ADGRG5: variants seen among roughly 807,000 people sequenced by gnomAD.
ADGRG5 encodes G protein-coupled receptor 114.
A neutral mutation model predicts 53.2 loss-of-function variants in ADGRG5; 37 were observed. That is an observed-to-expected ratio of 0.70 (90% CI 0.53 to 0.91). The LOEUF is 0.91. Ranked by LOEUF, ADGRG5 falls within the 40% of genes least tolerant of loss-of-function variation. The pLI is 0.00. For synonymous variants in ADGRG5, 277 were observed against 290.4 expected (o/e 0.95, Z 0.47); for missense variants, 614 against 675.8 (o/e 0.91, Z 1.01).
rs113891956 is a variant in ADGRG5 at position 57,556,095 on chromosome 16, A to T, written c.-38-5961A>T. 1.7e-3 allele frequency among the ~76,000 whole-genome samples: 263 copies of T among 152,220 alleles called. 2 individuals are homozygous for T. Among genetic ancestry groups the T allele is most frequent in the African/African-American group, 5.7e-3 (237 of 41,536 alleles). The stretch of plus-strand genomic sequence containing the variant: ...CTCAAACCTCTTTTCTTTATAAATT[A>T]CTCAGTCTTTGATGGCTCTTTATAG... On this transcript the variant is annotated intron_variant, in intron 1 of 11. Transcript: ENST00000349457.
the ADGRG5 span, among the ~76,000 whole-genome samples, chr16:57,530,989 C>T: frequency 5.3e-5 from 8 of 152,102 alleles, no homozygotes; most frequent in Non-Finnish European, 8.8e-5. Context: ...TTCCCCTCCT[C>T]TCCAGCTGCT....
chr16:57,557,661 A>G (rs1246599422), intron 1 of ADGRG5, among the ~76,000 whole-genome samples: 1 of 151,290 alleles, frequency 6.6e-6, no homozygotes, highest in Non-Finnish European at 1.5e-5. Flanking sequence ...TTTTATTTTC[A>G]CTCTTCTTAC....
intron 6 of ADGRG5, 139 bp downstream of exon 6, chr16:57,565,289 TAAGAG>T: frequency 3.0e-6 from 2 of 659,056 alleles, no homozygotes; most frequent in Non-Finnish European, 5.5e-6. Context: ...GCTCAAGAAA[TAAGAG>T]AGAGAGAAGT....
At chr16:57,563,336 A>G in intron 4 of ADGRG5, 89 bp downstream of exon 4, 1 of 1,165,848 alleles carries the variant, frequency 8.6e-7, no homozygotes, top group Non-Finnish European at 1.3e-6. Context: ...TTTAGGCTCC[A>G]CTGTCTTCCT....
chr16:57,568,064 G>C lies in ADGRG5; in HGVS notation c.1030G>C (p.Gly344Arg). The change falls in exon 9 of 12, where the codon GGG (glycine) becomes CGG (arginine). Residue 344 changes from glycine to arginine, a missense_variant. Transcript: ENST00000349457. ...GGGCTTCAACCTCTACCTCCTCCTCGGGCGTGTCTACAACATCTACATCCG... is the reference window on the plus strand; with the variant it reads ...GGGCTTCAACCTCTACCTCCTCCTCCGGCGTGTCTACAACATCTACATCCG... ...IEGFNLYLLL[G>R]RVYNIYIRRY... 1.2e-6 allele frequency: 2 copies of C among 1,613,884 alleles called. No individual in the cohort carries two copies. Among genetic ancestry groups the C allele is most frequent in the Non-Finnish European group, 1.7e-6 (2 of 1,179,922 alleles).
intron 1 of ADGRG5, among the ~76,000 whole-genome samples, chr16:57,546,087 A>G (rs1357519047): frequency 1.3e-5 from 2 of 152,052 alleles, no homozygotes; most frequent in African/African-American, 4.8e-5. Context: ...CGGCCTCCCA[A>G]AGTGCTGGGA....
chr16:57,566,678 G>C lies in ADGRG5; in HGVS notation c.626G>C (p.Cys209Ser). ...QPWGGWSPEGCRTEQPSHSQV... is the reference protein window; with the variant it reads ...QPWGGWSPEGSRTEQPSHSQV... ...TGGGGGGGCTGGAGCCCTGAGGGCT[G>C]TCGTACAGAGCAGCCCTCCCACTCT... Residue 209 changes from cysteine to serine, a missense_variant, in exon 7 of 12, where the codon TGT (cysteine) becomes TCT (serine). Cys to Ser is a moderately radical substitution (Grantham distance 112). Transcript: ENST00000349457. 6.3e-7 allele frequency: 1 copy of C among 1,593,636 alleles called. No individual in the cohort carries two copies. The highest frequency in any genetic ancestry group is 8.5e-7 in the Non-Finnish European group (1 of 1,171,006).
Position 57,562,117 on chromosome 16 carries a change from C to T in ADGRG5, c.24C>T (p.Phe8=), listed in dbSNP as rs1218923218. The T allele has an allele frequency of 1.3e-6, 2 of 1,599,986 alleles. No homozygotes were observed. The highest frequency in any genetic ancestry group is 1.7e-6 in the Non-Finnish European group (2 of 1,170,366). Residue 8 remains phenylalanine (F), a synonymous_variant, in exon 2 of 12, where the codon TTC becomes TTT. Transcript: ENST00000349457. MDHCGAL[F]LCLCLLTLQN... is the part of the protein sequence containing the mutation. Reference sequence around the variant, plus strand: ...GCATGGATCACTGTGGTGCCCTTTTCCTGTGCCTGTGCCTTCTGACTTTGC... The same window carrying T: ...GCATGGATCACTGTGGTGCCCTTTTTCTGTGCCTGTGCCTTCTGACTTTGC...
At chr16:57,550,105 C>G (rs1477101270) in intron 1 of ADGRG5, among the ~76,000 whole-genome samples, 2 of 152,074 alleles carry the variant, frequency 1.3e-5, no homozygotes, top group South Asian at 2.1e-4. Context: ...GACTCTTGAG[C>G]AGCTAGGATT....
At chr16:57,539,037 A>C (rs1230590434), upstream of ADGRG5, among the ~76,000 whole-genome samples, 1 of 152,240 alleles carries the variant, frequency 6.6e-6, no homozygotes, top group African/African-American at 2.4e-5. Flanking sequence ...TGTTGATTGT[A>C]GCATTATTCA....
At chr16:57,562,188 C>T in intron 2 of ADGRG5, 31 bp downstream of exon 2, 1 of 1,571,948 alleles carries the variant, frequency 6.4e-7, no homozygotes, top group Non-Finnish European at 8.7e-7. Context: ...TGGGGGCAGC[C>T]CTAGCCCAGT....
chr16:57,551,257 T>G (rs1471154424), intron 1 of ADGRG5, among the ~76,000 whole-genome samples: 1 of 152,200 alleles, frequency 6.6e-6, no homozygotes, highest in African/African-American at 2.4e-5. Context: ...TGGCTGTTTC[T>G]TAAGACAGCA....
At chr16:57,571,935 G>A (rs1368494785) in intron 10 of ADGRG5, among the ~76,000 whole-genome samples, 4 of 151,760 alleles carry the variant, frequency 2.6e-5, no homozygotes, top group African/African-American at 9.7e-5. Flanking sequence ...TGAACACTAT[G>A]CCCAGCCTAT....
At chr16:57,538,063 TGA>T (rs2032432250), upstream of ADGRG5, among the ~76,000 whole-genome samples, 1 of 152,180 alleles carries the variant, frequency 6.6e-6, no homozygotes, top group Non-Finnish European at 1.5e-5. Context: ...TGGTGGAGAC[TGA>T]GTTGATGGTG....
At chr16:57,564,356 C>CTGGAT (rs2033080334) in intron 5 of ADGRG5, among the ~76,000 whole-genome samples, 1 of 149,064 alleles carries the variant, frequency 6.7e-6, no homozygotes, top group African/African-American at 2.5e-5. Context: ...GTTGCCCAGG[C>CTGGAT]TGGAGTGCAG....
At chr16:57,570,008 T>TCACCACCTCCTC (rs111784565) in intron 9 of ADGRG5, among the ~76,000 whole-genome samples, 62,112 of 150,272 alleles carry the variant, frequency 0.41, 13,598 homozygotes, top group East Asian at 0.7. Flanking sequence ...TTCACCACCA[T>TCACCACCTCCTC]CACCACCTAC....
Position 57,574,937 on chromosome 16 carries a change from G to T in ADGRG5, c.1331G>T (p.Arg444Leu), listed in dbSNP as rs137996759. 1 of 1,613,384 alleles carries T rather than the reference G, an allele frequency of 6.2e-7. No individual in the cohort carries two copies. The highest frequency in any genetic ancestry group is 8.5e-7 in the Non-Finnish European group (1 of 1,179,990). ...ALWTLRRLRE[R>L]ADAPSVRACH... ...TGGACCCTGCGCAGGCTGCGGGAGC[G>T]GGCGGATGCACCAAGTGTCAGGGCC... is the stretch of plus-strand genomic sequence containing the variant. The change falls in exon 11 of 12, where the codon CGG (arginine) becomes CTG (leucine). Residue 444 changes from arginine (R) to leucine (L), a missense_variant. Transcript: ENST00000349457. The surrounding 1 kb of genome is among the most constrained non-coding windows in gnomAD (Gnocchi z 4.4).
At chr16:57,531,814 C>T in the ADGRG5 span, among the ~76,000 whole-genome samples, 1 of 152,202 alleles carries the variant, frequency 6.6e-6, no homozygotes, top group Non-Finnish European at 1.5e-5. Context: ...TCTGGCTTCT[C>T]CTGGCAAACG....
chr16:57,529,383 G>A, the ADGRG5 span: 265 of 511,088 alleles, frequency 5.2e-4, no homozygotes, highest in African/African-American at 5.3e-3. The surrounding 1 kb of genome is among the most constrained non-coding windows in gnomAD (Gnocchi z 4.1). Context: ...AAGATCAGCC[G>A]CGCCAAGGCC....
Sources: gnomAD v4.1 joint callset for allele counts (sites outside exome capture counted in the v4.1 genomes callset) on GRCh38, gnomAD v4.1.1 for gene constraint, Gnocchi (gnomAD v3.1) non-coding constraint, MANE v1.5 for transcripts, NCBI Gene and HGNC (gene_info 2026-07-23, HGNC 2026-07-21) for gene names.